The following OPLAH variants were observed in gnomAD, a reference collection of about 807,000 sequenced individuals.
OPLAH encodes the protein 5-oxoprolinase, ATP-hydrolysing, also known as 5-oxoprolinase.
Under a neutral mutation model 122.8 loss-of-function variants are expected in OPLAH, and 103 were observed. The observed-to-expected ratio is 0.84, with a 90% CI of 0.71 to 0.99. The LOEUF is 0.99. Among genes scored for constraint, OPLAH ranks in the 50% least tolerant of loss-of-function variants. The probability of loss-of-function intolerance (pLI) is 0.00; values close to 1 mark genes in which losing one functional copy is unlikely to be tolerated. For missense variants in OPLAH, 1,902 were observed against 1,836.5 expected (o/e 1.04, Z -0.65); for synonymous variants, 875 against 796.0 (o/e 1.10, Z -1.67).
chr8:144,056,453 T>C lies in OPLAH; in HGVS notation c.1915A>G (p.Thr639Ala). Residue 639 changes from threonine (T) to alanine (A), a missense_variant, in exon 14 of 27, where the codon ACC (threonine) becomes GCC (alanine). Transcript: ENST00000618853. ...TCGAGGCGAAGACCACTGCGGCCGG[T>C]GCCCCGCACTCGCACATCGTCCACG... ...VVVDDVRVRGTGRSGLRLEDA... is the reference protein window; with the variant it reads ...VVVDDVRVRGAGRSGLRLEDA... The C allele has an allele frequency of 6.2e-7, 1 of 1,610,794 alleles. No individual in the cohort carries two copies. Among genetic ancestry groups the C allele is most frequent in the East Asian group, 2.2e-5 (1 of 44,772 alleles).
At chr8:144,062,563 G>A (rs897256401), upstream of OPLAH, among the ~76,000 whole-genome samples, 1 of 152,018 alleles carries the variant, frequency 6.6e-6, no homozygotes, top group Admixed American at 6.6e-5. Flanking sequence ...ACACTCCTGC[G>A]GGACTGCCCT....
rs976516310 is a variant in OPLAH at position 144,053,247 on chromosome 8, C to T, written c.2833G>A (p.Gly945Ser). Residue 945 changes from glycine (G) to serine (S), a missense_variant, in exon 20 of 27, where the codon GGC (glycine) becomes AGC (serine). By Grantham distance (56) the Gly-to-Ser change is moderately conservative (BLOSUM62 0). Transcript: ENST00000618853. ...QLVGELIGQYGLDVVQAYMGH... is the reference protein window; with the variant it reads ...QLVGELIGQYSLDVVQAYMGH... ...ATGTAGGCCTGCACCACGTCCAGGC[C>T]GTACTGCCCAATGAGCTCCCCCACC... 4 of 1,612,822 alleles carry T rather than the reference C, an allele frequency of 2.5e-6. No homozygotes were observed. The highest frequency in any genetic ancestry group is 4.5e-5 in the East Asian group (2 of 44,890).
intron 8 of OPLAH, 29 bp downstream of exon 8, chr8:144,057,981 G>A: frequency 6.2e-7 from 1 of 1,612,146 alleles, no homozygotes. Context: ...CAGGGCTGGG[G>A]TCCCAGCCTG....
Position 144,057,458 on chromosome 8 carries a change from G to A in OPLAH, c.1412C>T (p.Ala471Val), listed in dbSNP as rs782120277. 2 of 1,587,066 alleles carry A rather than the reference G, an allele frequency of 1.3e-6. No homozygotes were observed. Among genetic ancestry groups the A allele is most frequent in the East Asian group, 4.6e-5 (2 of 43,576 alleles). Reference sequence around the variant, plus strand: ...CAGAGGTGGACGTACCTGCGTGAGTGCACGGATGGGCCGGCACATGGCCTC... The same window carrying A: ...CAGAGGTGGACGTACCTGCGTGAGTACACGGATGGGCCGGCACATGGCCTC... ...ANEAMCRPIR[A>V]LTQARGHDPS... is the part of the protein sequence containing the mutation. Residue 471 changes from alanine (A) to valine (V), a missense_variant, in exon 10 of 27, where the codon GCA becomes GTA. Ala to Val is a moderately conservative substitution (Grantham distance 64). Coordinates refer to ENST00000618853, the MANE Select transcript of OPLAH (RefSeq NM_017570.5).
At position 144,059,986 on chromosome 8, in the gene OPLAH, C is replaced by T. The variant is rs1178047373; in HGVS notation, c.47G>A (p.Gly16Asp). ...GRFHFAIDRG[G>D]TFTDVFAQCP... ...CTGGGCAAAGACGTCTGTGAAGGTA[C>T]CCCCACGGTCGATGGCAAAGTGGAA... The change falls in exon 2 of 27, where the codon GGT (glycine) becomes GAT (aspartate). Residue 16 changes from glycine (G) to aspartate (D), a missense_variant. Coordinates refer to ENST00000618853, the MANE Select transcript of OPLAH (RefSeq NM_017570.5). 1 of 1,612,590 alleles carries T rather than the reference C, an allele frequency of 6.2e-7. No individual in the cohort carries two copies. The highest frequency in any genetic ancestry group is 8.5e-7 in the Non-Finnish European group (1 of 1,179,812).
At chr8:144,057,390 C>A (rs1554759545) in intron 10 of OPLAH, 58 bp downstream of exon 10, 2 of 1,583,490 alleles carry the variant, frequency 1.3e-6, no homozygotes, top group East Asian at 4.6e-5. Context: ...GAGCAGGAGG[C>A]CTGGGGCAGG....
rs1377412634 is a variant in OPLAH, at chr8:144,052,916, G to T, written c.3019-16C>A. The stretch of plus-strand genomic sequence containing the variant: ...CGGCGCTGCCCTGCGCGCCCCGAGG[G>T]AAGGGAGAGGCTGTCAGCGGCCGCA... On this transcript the variant is annotated splice_polypyrimidine_tract_variant and intron_variant, in intron 21 of 26. Coordinates refer to ENST00000618853, the MANE Select transcript of OPLAH (RefSeq NM_017570.5). The T allele has an allele frequency of 6.4e-7, 1 of 1,562,326 alleles. No homozygotes were observed. The highest frequency in any genetic ancestry group is 8.7e-7 in the Non-Finnish European group (1 of 1,154,056).
rs1835418553 is a variant in OPLAH, at chr8:144,052,834, C to T, written c.3085G>A (p.Ala1029Thr). ...TAGATGAGGGCGGACAGGGTTACGG[C>T]CCGCGGTGCGTTGAGATTACCAAAC... ...EVFGNLNAPR[A>T]VTLSALIYCL... Residue 1029 changes from alanine to threonine, a missense_variant, in exon 22 of 27, where the codon GCC (alanine) becomes ACC (threonine). Coordinates refer to ENST00000618853, the MANE Select transcript of OPLAH (RefSeq NM_017570.5). 7 of 1,556,680 alleles carry T rather than the reference C, an allele frequency of 4.5e-6. No individual in the cohort carries two copies. The East Asian group carries it at 7.3e-5, about 16-fold the overall frequency.
rs782762685 is a variant in OPLAH at position 144,052,126 on chromosome 8, C to T, written c.3461+43G>A. 77 of 1,549,592 alleles carry T rather than the reference C, an allele frequency of 5.0e-5. No homozygotes were observed. The South Asian group carries it at 8.9e-4, about 18-fold the overall frequency. On this transcript the variant is annotated intron_variant, in intron 24 of 26. Transcript: ENST00000618853. Reference sequence around the variant, plus strand: ...AGACTCAGCGTGGCCCGAGCCCCGGCTCCCACCCGGCCGTGCCCCCAGCCT... The same window carrying T: ...AGACTCAGCGTGGCCCGAGCCCCGGTTCCCACCCGGCCGTGCCCCCAGCCT...
Position 144,057,233 on chromosome 8 carries a change from C to G in OPLAH, c.1510G>C (p.Gly504Arg). 1 of 1,612,180 alleles carries G rather than the reference C, an allele frequency of 6.2e-7. No individual in the cohort carries two copies. The highest frequency in any genetic ancestry group is 8.5e-7 in the Non-Finnish European group (1 of 1,179,670). ...QHACAIARAL[G>R]MDTVHIHRHS... The stretch of plus-strand genomic sequence containing the variant: ...CTGTGGATGTGCACCGTGTCCATGC[C>G]CAGGGCCCGGGCGATGGCACATGCA... The change falls in exon 11 of 27, where the codon GGC becomes CGC. Residue 504 changes from glycine to arginine, a missense_variant. By Grantham distance (125) the Gly-to-Arg change is moderately radical (BLOSUM62 -2). Transcript: ENST00000618853.
intron 21 of OPLAH, 32 bp downstream of exon 21, chr8:144,052,951 T>C: frequency 1.3e-6 from 2 of 1,579,650 alleles, no homozygotes; most frequent in Non-Finnish European, 1.7e-6. Context: ...ACCGTGCCCC[T>C]GCCGCCTAGA....
Position 144,057,729 on chromosome 8 carries a change from G to A in OPLAH, c.1157-16C>T. On this transcript the variant is annotated splice_polypyrimidine_tract_variant and intron_variant, in intron 9 of 26. Coordinates refer to ENST00000618853, the MANE Select transcript of OPLAH (RefSeq NM_017570.5). Reference sequence around the variant, plus strand: ...ACAGGGCCCCCTGGGAGGTGGACAGGGTGTGGGGCTTGGGGGCTGGAGGCA... The same window carrying A: ...ACAGGGCCCCCTGGGAGGTGGACAGAGTGTGGGGCTTGGGGGCTGGAGGCA... 2 of 1,610,426 alleles carry A rather than the reference G, an allele frequency of 1.2e-6. No individual in the cohort carries two copies. Among genetic ancestry groups the A allele is most frequent in the Non-Finnish European group, 8.5e-7 (1 of 1,178,496 alleles).
chr8:144,057,579 C>T lies in OPLAH; in HGVS notation c.1291G>A (p.Ala431Thr). The change falls in exon 10 of 27, where the codon GCC becomes ACC. Residue 431 changes from alanine (A) to threonine (T), a missense_variant. By Grantham distance (58) the Ala-to-Thr change is moderately conservative. Transcript: ENST00000618853. ...EASRKALEAV[A>T]TEVNSFLTNG... ...GTCAGGAAGCTGTTGACCTCAGTGG[C>T]CACAGCCTCCAGGGCTTTGCGGGAG... is the stretch of plus-strand genomic sequence containing the variant. 6.3e-7 allele frequency: 1 copy of T among 1,582,038 alleles called. No homozygotes were observed. Among genetic ancestry groups the T allele is most frequent in the Non-Finnish European group, 8.6e-7 (1 of 1,163,734 alleles).
In OPLAH at chr8:144,057,128, T is replaced by C. The variant is rs782817474; in HGVS notation, c.1536-10A>G. The C allele has an allele frequency of 1.3e-6, 2 of 1,594,474 alleles. No individual in the cohort carries two copies. The highest frequency in any genetic ancestry group is 1.7e-6 in the Non-Finnish European group (2 of 1,171,412). On this transcript the variant is annotated splice_polypyrimidine_tract_variant and intron_variant, in intron 11 of 26. Transcript: ENST00000618853. ...CAGCAGCCCACTGTGCCTGCAGGGATGGGCAGCATGGCAATGGGAGGTCAC... is the reference window on the plus strand; with the variant it reads ...CAGCAGCCCACTGTGCCTGCAGGGACGGGCAGCATGGCAATGGGAGGTCAC...
rs1276472883 is a variant in OPLAH at position 144,052,207 on chromosome 8, G to T, written c.3423C>A (p.Thr1141=). 12 of 1,582,078 alleles carry T rather than the reference G, an allele frequency of 7.6e-6. No individual in the cohort carries two copies. Among genetic ancestry groups the T allele is most frequent in the South Asian group, 1.1e-5 (1 of 88,834 alleles). ...TCTCAGGGTCGGTGATGCGTGTGTT[G>T]GTCATGTGGCTGTGCACACCGCTGC... The part of the protein sequence containing the change: ...HGRSGVHSHM[T]NTRITDPEIL... Residue 1141 remains threonine, a synonymous_variant, in exon 24 of 27, where the codon ACC becomes ACA. Coordinates refer to ENST00000618853, the MANE Select transcript of OPLAH (RefSeq NM_017570.5).
upstream of OPLAH, among the ~76,000 whole-genome samples, chr8:144,062,514 C>G (rs1835679912): frequency 6.6e-6 from 1 of 152,110 alleles, no homozygotes; most frequent in Non-Finnish European, 1.5e-5. Context: ...CAGCCGAGGA[C>G]CTTCCCCACC....
intron 3 of OPLAH, 120 bp downstream of exon 3, chr8:144,059,477 CCT>C: frequency 9.3e-7 from 1 of 1,073,988 alleles, no homozygotes; most frequent in Admixed American, 2.8e-5. Flanking sequence ...TCGGGAGCTT[CCT>C]CTTTGTCGGC....
In OPLAH at chr8:144,051,485, G is replaced by C; in HGVS notation, c.3721-13C>G. 1.4e-6 allele frequency: 2 copies of C among 1,473,328 alleles called. No homozygotes were observed. The highest frequency in any genetic ancestry group is 2.4e-5 in the East Asian group (1 of 42,526). 91.3% of individuals were successfully genotyped at this position (1,473,328 alleles called of 1,614,324 possible). A position where few individuals can be genotyped will look rare whatever the true frequency, so the allele number is the denominator to read the frequency against. On this transcript the variant is annotated splice_polypyrimidine_tract_variant and intron_variant, in intron 26 of 26. Coordinates refer to ENST00000618853, the MANE Select transcript of OPLAH (RefSeq NM_017570.5). ...GACAGAACACATCCTGTTGGCGCGG[G>C]GGGGGGCGGGGAGGCGGGCTCAGTG...
chr8:144,059,763 G>T lies in OPLAH; in HGVS notation c.199C>A (p.Gln67Lys). Residue 67 changes from glutamine (Q) to lysine (K), a missense_variant, in exon 3 of 27, where the codon CAG becomes AAG. By Grantham distance (53) the Gln-to-Lys change is moderately conservative (BLOSUM62 1). This residue lies in a region of OPLAH where 168 missense variants were observed against 170.6 expected (regional missense o/e 0.98). Coordinates refer to ENST00000618853, the MANE Select transcript of OPLAH (RefSeq NM_017570.5). The stretch of plus-strand genomic sequence containing the variant: ...GCGATATGACTGGAGTCCAGCGGCT[G>T]GTCCCGGGGCAGGAGCATGCCGGCC... ...QEAGMLLPRD[Q>K]PLDSSHIASI... The T allele has an allele frequency of 6.2e-7, 1 of 1,609,166 alleles. No individual in the cohort carries two copies. Among genetic ancestry groups the T allele is most frequent in the South Asian group, 1.1e-5 (1 of 91,034 alleles).
Sources: gnomAD v4.1 joint callset for allele counts (sites outside exome capture counted in the v4.1 genomes callset) on GRCh38, gnomAD v4.1.1 for gene constraint, gnomAD v4.1.1 regional missense constraint, MANE v1.5 for transcripts, NCBI Gene and HGNC (gene_info 2026-07-23, HGNC 2026-07-21) for gene names.